CCDC175: variants seen among roughly 807,000 people sequenced by gnomAD.
The protein encoded by CCDC175 is coiled-coil domain-containing protein 175.
Under a neutral mutation model 114.6 loss-of-function variants are expected in CCDC175, and 100 were observed. That is an observed-to-expected ratio of 0.87 (90% CI 0.74 to 1.03). The LOEUF (loss-of-function observed/expected upper bound fraction) is 1.03. Ranked by LOEUF, CCDC175 falls within the 50% of genes least tolerant of loss-of-function variation. The pLI, the probability that CCDC175 is intolerant of heterozygous loss-of-function variation, is 0.00. For synonymous variants in CCDC175, 306 were observed against 308.7 expected, an observed-to-expected ratio of 0.99 and a Z score of 0.09; for missense variants, 880 against 917.8, an observed-to-expected ratio of 0.96 and a Z score of 0.53.
intron 14 of CCDC175, among the ~76,000 whole-genome samples, chr14:59,528,117 T>C (rs543042888): frequency 1.3e-5 from 2 of 152,140 alleles, no homozygotes; most frequent in Non-Finnish European, 2.9e-5. Context: ...TTCTTGATAG[T>C]TTAGCTGGGT....
intron 14 of CCDC175, among the ~76,000 whole-genome samples, chr14:59,530,314 C>G (rs1210903446): frequency 6.6e-6 from 1 of 151,630 alleles, no homozygotes; most frequent in Non-Finnish European, 1.5e-5. Context: ...TTGCAGTGAG[C>G]AGAGATTGTA....
In CCDC175 at chr14:59,537,046, G is replaced by C. The variant is rs185301077; in HGVS notation, c.1623+977C>G. 4.5e-3 allele frequency among the ~76,000 whole-genome samples: 686 copies of C among 152,308 alleles called. 1 individual carries two copies. Among genetic ancestry groups the C allele is most frequent in the African/African-American group, 0.016 (647 of 41,558 alleles). On this transcript the variant is annotated intron_variant, in intron 13 of 19. Transcript: ENST00000537690. ...TCCACCTACCTTGGCCTCCCAAAGT[G>C]CTGGGATTACTGGCCTGAGCCACTG...
At chr14:59,570,686 G>A (rs921371066) in intron 3 of CCDC175, among the ~76,000 whole-genome samples, 1 of 152,048 alleles carries the variant, frequency 6.6e-6, no homozygotes, top group Non-Finnish European at 1.5e-5. Context: ...TCATGAATGC[G>A]GGTGGCAGGC....
chr14:59,510,458 G>T, intron 19 of CCDC175, 188 bp downstream of exon 19: 2 of 549,086 alleles, frequency 3.6e-6, no homozygotes, highest in Non-Finnish European at 6.5e-6. Context: ...TAGGTGAAAG[G>T]CAGAATTGGA....
chr14:59,550,495 G>A (rs1004971570), intron 8 of CCDC175, among the ~76,000 whole-genome samples: 1 of 151,970 alleles, frequency 6.6e-6, no homozygotes, highest in African/African-American at 2.4e-5. Flanking sequence ...TAAGTATTTA[G>A]AATATTATAT....
At chr14:59,521,750 A>T in intron 16 of CCDC175, 74 bp from the exon 17 acceptor site, 2 of 830,730 alleles carry the variant, frequency 2.4e-6, no homozygotes, top group Admixed American at 2.1e-5. Flanking sequence ...GTCATTCAGC[A>T]AACATGTATA....
At chr14:59,514,053 C>T (rs1466940336) in intron 17 of CCDC175, among the ~76,000 whole-genome samples, 11 of 152,210 alleles carry the variant, frequency 7.2e-5, no homozygotes, top group African/African-American at 2.4e-4. Flanking sequence ...CCCAGGCAAA[C>T]GGGGTCTGGA....
intron 17 of CCDC175, among the ~76,000 whole-genome samples, chr14:59,518,092 T>C (rs1227702769): frequency 6.6e-6 from 1 of 152,150 alleles, no homozygotes; most frequent in African/African-American, 2.4e-5. Flanking sequence ...ATTTAATAAT[T>C]AGTGCTGGGA....
chr14:59,525,499 T>C (rs1311369227), intron 15 of CCDC175, 65 bp from the exon 16 acceptor site: 10 of 1,113,732 alleles, frequency 9.0e-6, no homozygotes, highest in Non-Finnish European at 1.2e-5. Context: ...GGTATTATAC[T>C]GCCTAGGTCA....
chr14:59,521,706 AG>A (rs1345859734), intron 16 of CCDC175, 30 bp from the exon 17 acceptor site: 2 of 1,252,344 alleles, frequency 1.6e-6, no homozygotes, highest in Non-Finnish European at 2.2e-6. Flanking sequence ...GATTGCTTTT[AG>A]CAGTTTAGTT....
At position 59,538,848 on chromosome 14, in the gene CCDC175, T is replaced by C; in HGVS notation, c.1356-8A>G. 6 of 1,518,032 alleles carry C rather than the reference T, an allele frequency of 4.0e-6. No individual in the cohort carries two copies. In the South Asian group the frequency reaches 7.5e-5, roughly 19 times the overall value. 94.0% of individuals were successfully genotyped at this position (1,518,032 alleles called of 1,614,324 possible). Reference sequence around the variant, plus strand: ...TTCCACTGAGTTATAACACTAGAGATTAGAGCAAAAAGAATTGCCATTAAA... The same window carrying C: ...TTCCACTGAGTTATAACACTAGAGACTAGAGCAAAAAGAATTGCCATTAAA... On this transcript the variant is annotated splice_polypyrimidine_tract_variant and splice_region_variant and intron_variant, in intron 11 of 19. Coordinates refer to ENST00000537690, the MANE Select transcript of CCDC175 (RefSeq NM_001164399.2).
At chr14:59,572,547 A>G (rs1035647560) in intron 3 of CCDC175, among the ~76,000 whole-genome samples, 155 bp downstream of exon 3, 1 of 152,208 alleles carries the variant, frequency 6.6e-6, no homozygotes, top group Admixed American at 6.5e-5. Flanking sequence ...CTTAAAATAT[A>G]AAAGAAAATT....
intron 13 of CCDC175, among the ~76,000 whole-genome samples, chr14:59,534,743 A>G (rs1286581139): frequency 3.3e-5 from 5 of 152,224 alleles, no homozygotes; most frequent in Non-Finnish European, 5.9e-5. Flanking sequence ...TAGAAGATTT[A>G]CAACGGAGGG....
intron 5 of CCDC175, among the ~76,000 whole-genome samples, chr14:59,564,125 TA>T (rs1212614074): frequency 6.6e-6 from 1 of 152,232 alleles, no homozygotes; most frequent in African/African-American, 2.4e-5. Flanking sequence ...CAATGATTGT[TA>T]ATAACTAATT....
intron 16 of CCDC175, among the ~76,000 whole-genome samples, chr14:59,523,786 G>A (rs1204996073): frequency 1.3e-5 from 2 of 152,102 alleles, no homozygotes; most frequent in African/African-American, 2.4e-5. Flanking sequence ...TCAGGAGATC[G>A]AGACCATCCT....
At position 59,531,901 on chromosome 14, in the gene CCDC175, C is replaced by A. The variant is rs1894095733; in HGVS notation, c.1633G>T (p.Val545Phe). 6 of 1,175,392 alleles carry A rather than the reference C, an allele frequency of 5.1e-6. No homozygotes were observed. The highest frequency in any genetic ancestry group is 2.1e-4 in the Middle Eastern group (1 of 4,798). 72.8% of individuals were successfully genotyped at this position (1,175,392 alleles called of 1,614,324 possible). The change falls in exon 14 of 20, where the codon GTT becomes TTT. Residue 545 changes from valine (V) to phenylalanine (F), a missense_variant. By Grantham distance (50) the Val-to-Phe change is conservative. Coordinates refer to ENST00000537690, the MANE Select transcript of CCDC175 (RefSeq NM_001164399.2). Reference protein sequence around the residue: ...KELSKYEEIFVKETQINKEKE... With the variant: ...KELSKYEEIFFKETQINKEKE... ...TCTTTGTTAATTTGTGTTTCCTTAA[C>A]AAATATTTCCTTTAAAGAAAATAAA...
chr14:59,560,409 T>C (rs1414717764), intron 7 of CCDC175, among the ~76,000 whole-genome samples: 1 of 152,134 alleles, frequency 6.6e-6, no homozygotes, highest in East Asian at 1.9e-4. Context: ...GCAGAGCTGA[T>C]TGGATCAGGA....
chr14:59,530,253 G>T (rs1044458970), intron 14 of CCDC175, among the ~76,000 whole-genome samples: 1 of 151,948 alleles, frequency 6.6e-6, no homozygotes, highest in Non-Finnish European at 1.5e-5. Flanking sequence ...TGTAATCCCA[G>T]CTACTCAGGA....
At position 59,511,654 on chromosome 14, in the gene CCDC175, G is replaced by T. The variant is rs45514195; in HGVS notation, c.2142+106C>A. ...AGTGTGAATTTCCACCCTGATGCGT[G>T]CATGCAGGTGCACACAGACACAAAA... On this transcript the variant is annotated intron_variant, in intron 18 of 19. Transcript: ENST00000537690. 2.9e-5 allele frequency: 25 copies of T among 864,566 alleles called. No homozygotes were observed. In the African/African-American group the frequency reaches 3.9e-4, roughly 13 times the overall value. 53.6% of individuals were successfully genotyped at this position (864,566 alleles called of 1,614,324 possible).
Sources: gnomAD v4.1 joint callset for allele counts (sites outside exome capture counted in the v4.1 genomes callset) on GRCh38, gnomAD v4.1.1 for gene constraint, MANE v1.5 for transcripts, NCBI Gene and HGNC (gene_info 2026-07-23, HGNC 2026-07-21) for gene names.